SLC24A4: variants seen among roughly 807,000 people sequenced by gnomAD.
The protein encoded by SLC24A4 is solute carrier family 24 member 4.
In SLC24A4, 53 loss-of-function variants were observed where a neutral mutation model predicts 79.0. That is an observed-to-expected ratio of 0.67 (90% CI 0.54 to 0.84). SLC24A4 has a LOEUF of 0.84. Ranked by LOEUF, SLC24A4 falls within the 40% of genes least tolerant of loss-of-function variation. The probability of loss-of-function intolerance (pLI) is 0.00; values close to 1 mark genes in which losing one functional copy is unlikely to be tolerated. For synonymous variants in SLC24A4, 323 were observed against 323.8 expected, an observed-to-expected ratio of 1.00 and a Z score of 0.03; for missense variants, 731 against 822.0, an observed-to-expected ratio of 0.89 and a Z score of 1.35.
At chr14:92,432,362 T>C (rs1011692319) in intron 2 of SLC24A4, among the ~76,000 whole-genome samples, 3 of 152,232 alleles carry the variant, frequency 2.0e-5, no homozygotes, top group Admixed American at 2.0e-4. Context: ...TTTTCAAAAA[T>C]TTTTAAAGAT....
rs898711221 is a variant in SLC24A4 at position 92,494,805 on chromosome 14, G to A, written c.*1177G>A. On this transcript the variant is annotated 3_prime_UTR_variant, in exon 17 of 17. Transcript: ENST00000532405. The surrounding 1 kb of genome is among the most constrained non-coding windows in gnomAD (Gnocchi z 4.6). ...TTTAGAGCTAAGCTTCTGGAACCAC[G>A]TAGTTTCTACACGTGGCAGGCCAAG... is the stretch of plus-strand genomic sequence containing the variant. The A allele has an allele frequency of 6.6e-6, 1 of 152,566 alleles. No individual in the cohort carries two copies. The highest frequency in any genetic ancestry group is 2.4e-5 in the African/African-American group (1 of 41,418). 9.5% of individuals were successfully genotyped at this position (152,566 alleles called of 1,614,324 possible).
intron 2 of SLC24A4, among the ~76,000 whole-genome samples, chr14:92,396,532 G>A (rs552319552): frequency 1.5e-4 from 23 of 152,268 alleles, no homozygotes; most frequent in African/African-American, 3.1e-4. Flanking sequence ...AGACCAGAGC[G>A]TGGGAATCAG....
chr14:92,482,042 T>G lies in SLC24A4; in HGVS notation c.1256-638T>G, dbSNP rs1455510141. Reference sequence around the variant, plus strand: ...CATTTAGTCTTGCACCAGTCTTGACTACATGACCTTGGGACAAAGGAGCTG... The same window carrying G: ...CATTTAGTCTTGCACCAGTCTTGACGACATGACCTTGGGACAAAGGAGCTG... On this transcript the variant is annotated intron_variant, in intron 12 of 16. Transcript: ENST00000532405. Among the ~76,000 whole-genome samples the G allele has an allele frequency of 2.6e-5, 4 of 152,210 alleles. No individual in the cohort carries two copies. In the South Asian group the frequency reaches 8.3e-4, roughly 32 times the overall value.
At chr14:92,466,687 T>G (rs937164040) in intron 12 of SLC24A4, among the ~76,000 whole-genome samples, 3 of 152,184 alleles carry the variant, frequency 2.0e-5, no homozygotes, top group Non-Finnish European at 4.4e-5. Context: ...AGTATGGGGC[T>G]CTAATCTGAC....
chr14:92,482,890 A>G, intron 13 of SLC24A4, 44 bp downstream of exon 13: 1 of 1,564,720 alleles, frequency 6.4e-7, no homozygotes, highest in Non-Finnish European at 8.7e-7. Context: ...ACAGCCAGGG[A>G]GAGGTGGAGA....
intron 2 of SLC24A4, among the ~76,000 whole-genome samples, chr14:92,372,119 G>C (rs1005227816): frequency 6.6e-6 from 1 of 152,228 alleles, no homozygotes; most frequent in Non-Finnish European, 1.5e-5. Context: ...TTGGATCTCT[G>C]GCCTGCATTT....
intron 2 of SLC24A4, among the ~76,000 whole-genome samples, chr14:92,421,936 G>A (rs915258018): frequency 9.2e-5 from 14 of 152,152 alleles, no homozygotes; most frequent in African/African-American, 3.1e-4. Context: ...TCCTCCACCC[G>A]CCATAACCAC....
rs1895920006 is a variant in SLC24A4 at position 92,496,349 on chromosome 14, A to G, written c.*2721A>G. The G allele has an allele frequency of 6.6e-6, 1 of 152,390 alleles. No homozygotes were observed. The highest frequency in any genetic ancestry group is 2.1e-4 in the South Asian group (1 of 4,830). 9.4% of individuals were successfully genotyped at this position (152,390 alleles called of 1,614,324 possible). A position where few individuals can be genotyped will look rare whatever the true frequency, so the allele number is the denominator to read the frequency against. On this transcript the variant is annotated 3_prime_UTR_variant, in exon 17 of 17. Coordinates refer to ENST00000532405, the MANE Select transcript of SLC24A4 (RefSeq NM_153646.4). ...TGATTAATTAGGCTTTCATTTTTAA[A>G]TTACGCTTTCATCACTACGCAGGAT...
At position 92,497,577 on chromosome 14, in the gene SLC24A4, A is replaced by G. The variant is rs557902477; in HGVS notation, c.*3949A>G. ...GAAAGAGCAAGAGCGAATGAATCCC[A>G]GCGCCAGCGGCTGAGGCTGCCTTCC... is the stretch of plus-strand genomic sequence containing the variant. On this transcript the variant is annotated 3_prime_UTR_variant, in exon 17 of 17. Coordinates refer to ENST00000532405, the MANE Select transcript of SLC24A4 (RefSeq NM_153646.4). 113 of 152,314 alleles carry G rather than the reference A, an allele frequency of 7.4e-4. No individual in the cohort carries two copies. The highest frequency in any genetic ancestry group is 1.4e-3 in the Non-Finnish European group (92 of 68,138). The allele number at this position is 152,314 out of a possible 1,614,324, so 9.4% of individuals were successfully genotyped here. A position where few individuals can be genotyped will look rare whatever the true frequency, so the allele number is the denominator to read the frequency against.
At chr14:92,378,205 C>T (rs946774511) in intron 2 of SLC24A4, among the ~76,000 whole-genome samples, 19 of 152,264 alleles carry the variant, frequency 1.2e-4, no homozygotes, top group Non-Finnish European at 2.5e-4. Context: ...AACTATTGAA[C>T]GTTGAGGTTG....
intron 2 of SLC24A4, among the ~76,000 whole-genome samples, chr14:92,363,212 A>G (rs1464336212): frequency 1.3e-5 from 2 of 152,220 alleles, no homozygotes; most frequent in Non-Finnish European, 2.9e-5. Flanking sequence ...TTTTGCACCA[A>G]GTCACAGAGG....
At chr14:92,439,055 A>G (rs1252298514) in intron 3 of SLC24A4, among the ~76,000 whole-genome samples, 2 of 152,180 alleles carry the variant, frequency 1.3e-5, no homozygotes, top group Non-Finnish European at 2.9e-5. Context: ...GCAGAGACCA[A>G]ATATATGTTT....
At chr14:92,433,493 A>G (rs914984971) in intron 2 of SLC24A4, among the ~76,000 whole-genome samples, 19 of 152,080 alleles carry the variant, frequency 1.2e-4, no homozygotes, top group Non-Finnish European at 2.4e-4. Flanking sequence ...CATATGGTCT[A>G]TGCTTAATCT....
At chr14:92,396,591 C>T (rs769379898) in intron 2 of SLC24A4, among the ~76,000 whole-genome samples, 8 of 152,198 alleles carry the variant, frequency 5.3e-5, no homozygotes, top group Admixed American at 1.3e-4. Flanking sequence ...TTCTGCATCA[C>T]CCACAACTTC....
At chr14:92,430,868 C>T (rs1206669706) in intron 2 of SLC24A4, among the ~76,000 whole-genome samples, 6 of 152,190 alleles carry the variant, frequency 3.9e-5, no homozygotes, top group Non-Finnish European at 7.3e-5. Context: ...CCTCAAAAGC[C>T]GTGTGTATGT....
chr14:92,423,111 C>T (rs1183216322), intron 2 of SLC24A4, among the ~76,000 whole-genome samples: 3 of 150,522 alleles, frequency 2.0e-5, no homozygotes, highest in Non-Finnish European at 4.4e-5. Context: ...GCACCCAGCC[C>T]CTAATTTACT....
intron 2 of SLC24A4, among the ~76,000 whole-genome samples, chr14:92,364,483 G>A (rs1403343551): frequency 6.6e-6 from 1 of 152,206 alleles, no homozygotes; most frequent in East Asian, 1.9e-4. Flanking sequence ...CACACCAGAT[G>A]AAACAGGTGT....
chr14:92,390,985 G>A (rs993051917), intron 2 of SLC24A4, among the ~76,000 whole-genome samples: 2 of 152,176 alleles, frequency 1.3e-5, no homozygotes, highest in Non-Finnish European at 2.9e-5. Context: ...CTCCTCTCAG[G>A]CCCAGGGTCT....
intron 2 of SLC24A4, among the ~76,000 whole-genome samples, chr14:92,395,277 G>A (rs2141747911): frequency 6.6e-6 from 1 of 152,284 alleles, no homozygotes; most frequent in South Asian, 2.1e-4. Context: ...CACTTGGTGT[G>A]TGGAAGCCAA....
Sources: gnomAD v4.1 joint callset for allele counts (sites outside exome capture counted in the v4.1 genomes callset) on GRCh38, gnomAD v4.1.1 for gene constraint, Gnocchi (gnomAD v3.1) non-coding constraint, MANE v1.5 for transcripts, NCBI Gene and HGNC (gene_info 2026-07-23, HGNC 2026-07-21) for gene names.